Variants in TTC17 observed in about 807,000 individuals in gnomAD.
TTC17 encodes the protein tetratricopeptide repeat domain 17, also known as tetratricopeptide repeat protein 17.
In TTC17, 58 loss-of-function variants were observed where a neutral mutation model predicts 143.8. The ratio of observed to expected loss-of-function variants is 0.40; its 90% CI spans 0.33 to 0.50. TTC17 has a LOEUF of 0.50. TTC17 is among the 20% of genes least tolerant of loss of function. The probability of loss-of-function intolerance (pLI) is 0.49; values close to 1 mark genes in which losing one functional copy is unlikely to be tolerated. For missense variants in TTC17, 1,273 were observed against 1,392.5 expected (o/e 0.91, Z 1.37); for synonymous variants, 501 against 497.8 (o/e 1.01, Z -0.09).
At chr11:43,383,249 T>C (rs867036259) in intron 2 of TTC17, among the ~76,000 whole-genome samples, 1 of 150,752 alleles carries the variant, frequency 6.6e-6, no homozygotes, top group African/African-American at 2.4e-5. Context: ...AGAGAGAGAG[T>C]GGTATCCAGT....
chr11:43,450,402 C>T (rs937172436), intron 20 of TTC17, among the ~76,000 whole-genome samples, 161 bp downstream of exon 20: 1 of 152,342 alleles, frequency 6.6e-6, no homozygotes, highest in African/African-American at 2.4e-5. Flanking sequence ...TGATTTCTTT[C>T]AGGCCCTGGG....
At chr11:43,412,191 A>G (rs1001673676) in intron 15 of TTC17, among the ~76,000 whole-genome samples, 1 of 152,184 alleles carries the variant, frequency 6.6e-6, no homozygotes, top group African/African-American at 2.4e-5. Context: ...AATAGCATCA[A>G]GAAAACATCA....
At chr11:43,479,675 T>C (rs974922932) in intron 21 of TTC17, among the ~76,000 whole-genome samples, 1 of 152,160 alleles carries the variant, frequency 6.6e-6, no homozygotes, top group Non-Finnish European at 1.5e-5. Context: ...TAACACTAGG[T>C]ATTTCAGAAA....
intron 18 of TTC17, 49 bp downstream of exon 18, chr11:43,444,258 T>C: frequency 6.5e-7 from 1 of 1,540,028 alleles, no homozygotes; most frequent in Non-Finnish European, 8.7e-7. Context: ...GATGTCACTA[T>C]CTCATTTCTC....
intron 13 of TTC17, among the ~76,000 whole-genome samples, chr11:43,406,446 T>C (rs1590368457): frequency 6.6e-6 from 1 of 152,170 alleles, no homozygotes; most frequent in African/African-American, 2.4e-5. Flanking sequence ...CCTAAATTCC[T>C]ATTAATTATA....
At chr11:43,441,962 G>T (rs970177707) in intron 16 of TTC17, among the ~76,000 whole-genome samples, 3 of 152,140 alleles carry the variant, frequency 2.0e-5, no homozygotes, top group African/African-American at 7.2e-5. Context: ...TCTAGGAAAT[G>T]CGTCCTTGGG....
chr11:43,490,274 C>T lies in TTC17; in HGVS notation c.3066C>T (p.Ala1022=). The T allele has an allele frequency of 6.2e-7, 1 of 1,612,816 alleles. No individual in the cohort carries two copies. Among genetic ancestry groups the T allele is most frequent in the Non-Finnish European group, 8.5e-7 (1 of 1,179,212 alleles). ...QTSWVLSSMA[A]LYWRVKGQGK... is the part of the protein sequence containing the mutation. ...CCTGGGTCCTCTCCAGCATGGCAGC[C>T]CTCTACTGGAGGGTGAAAGGCCAAG... Residue 1022 remains alanine (A), a synonymous_variant, in exon 22 of 24, where the codon GCC becomes GCT. Transcript: ENST00000039989.
chr11:43,398,300 A>G (rs376067465), intron 8 of TTC17, among the ~76,000 whole-genome samples, 187 bp downstream of exon 8: 15 of 152,154 alleles, frequency 9.9e-5, no homozygotes, highest in African/African-American at 3.1e-4. Context: ...GTAGAGGAAT[A>G]TCTTTAATTG....
intron 1 of TTC17, among the ~76,000 whole-genome samples, chr11:43,363,591 C>T (rs909520838): frequency 7.9e-5 from 12 of 152,302 alleles, no homozygotes; most frequent in Non-Finnish European, 1.5e-4. Context: ...TTTTAATATT[C>T]GTATTCTTTG....
At chr11:43,459,085 C>A (rs928405046) in intron 21 of TTC17, among the ~76,000 whole-genome samples, 7 of 152,166 alleles carry the variant, frequency 4.6e-5, no homozygotes, top group Non-Finnish European at 8.8e-5. Context: ...TCCTCAGATA[C>A]AGCTTCTCTT....
chr11:43,363,890 C>T lies in TTC17; in HGVS notation c.159+4777C>T, dbSNP rs537399330. The stretch of plus-strand genomic sequence containing the variant: ...GAAAATAATGAAGTAAAGGTATCTT[C>T]TTTTCCAGTTTGCTTTATCTCCATA... On this transcript the variant is annotated intron_variant, in intron 1 of 23. Coordinates refer to ENST00000039989, the MANE Select transcript of TTC17 (RefSeq NM_018259.6). Among the ~76,000 whole-genome samples, 72 of 152,124 alleles carry T rather than the reference C, an allele frequency of 4.7e-4. 2 individuals are homozygous for T. The South Asian group carries it at 6.4e-3, about 14-fold the overall frequency.
Position 43,405,634 on chromosome 11 carries a change from G to A in TTC17, c.1595+5G>A. 1 of 1,613,794 alleles carries A rather than the reference G, an allele frequency of 6.2e-7. No individual in the cohort carries two copies. Among genetic ancestry groups the A allele is most frequent in the Non-Finnish European group, 8.5e-7 (1 of 1,179,724 alleles). ...TCCGGAAAACAAAGGACTCAGGCAA[G>A]TGGTGATGGATTTGGCAAAGCACCT... is the stretch of plus-strand genomic sequence containing the variant. On this transcript the variant is annotated splice_donor_5th_base_variant and intron_variant, in intron 12 of 23. Coordinates refer to ENST00000039989, the MANE Select transcript of TTC17 (RefSeq NM_018259.6).
At chr11:43,480,335 A>G (rs530277024) in intron 21 of TTC17, among the ~76,000 whole-genome samples, 2 of 152,362 alleles carry the variant, frequency 1.3e-5, no homozygotes, top group South Asian at 2.1e-4. Flanking sequence ...CCTACAAGGA[A>G]TGATGGCTAA....
At chr11:43,413,431 A>G (rs1283024407) in intron 15 of TTC17, among the ~76,000 whole-genome samples, 1 of 152,202 alleles carries the variant, frequency 6.6e-6, no homozygotes, top group Non-Finnish European at 1.5e-5. Flanking sequence ...TGCAGTAGGC[A>G]AAGATGTCAA....
rs1159298319 is a variant in TTC17, at chr11:43,451,213, C to T, written c.2978C>T (p.Pro993Leu). 2 of 1,613,874 alleles carry T rather than the reference C, an allele frequency of 1.2e-6. No homozygotes were observed. The highest frequency in any genetic ancestry group is 2.2e-5 in the South Asian group (2 of 91,074). ...CAAAATCTCGGCAAAGACCAATATC[C>T]ACAACAGTCGCTTGAACAGATTGGC... ...VLQNLGKDQY[P>L]QQSLEQIGTR... Residue 993 changes from proline (P) to leucine (L), a missense_variant, in exon 21 of 24, where the codon CCA becomes CTA. Pro to Leu is a moderately conservative substitution (Grantham distance 98). Coordinates refer to ENST00000039989, the MANE Select transcript of TTC17 (RefSeq NM_018259.6).
chr11:43,417,283 A>G (rs1026038546), intron 16 of TTC17, among the ~76,000 whole-genome samples: 5 of 152,128 alleles, frequency 3.3e-5, no homozygotes, highest in Non-Finnish European at 7.4e-5. Context: ...TTGCTAAATA[A>G]TTGATTAAAA....
chr11:43,441,742 C>A (rs1338139681), intron 16 of TTC17, among the ~76,000 whole-genome samples: 1 of 152,166 alleles, frequency 6.6e-6, no homozygotes, highest in Non-Finnish European at 1.5e-5. Flanking sequence ...GCAACAGAAG[C>A]CTTCAGCAAG....
At position 43,482,446 on chromosome 11, in the gene TTC17, T is replaced by G. The variant is rs553075794; in HGVS notation, c.3031-7793T>G. On this transcript the variant is annotated intron_variant, in intron 21 of 23. Coordinates refer to ENST00000039989, the MANE Select transcript of TTC17 (RefSeq NM_018259.6). ...CTTCTAATTTTTTTGACCCATGAGTTATTTAGGAGTATGATATTTAGTTTC... is the reference window on the plus strand; with the variant it reads ...CTTCTAATTTTTTTGACCCATGAGTGATTTAGGAGTATGATATTTAGTTTC... 8.5e-5 allele frequency among the ~76,000 whole-genome samples: 13 copies of G among 152,172 alleles called. No individual in the cohort carries two copies. In the South Asian group the frequency reaches 2.7e-3, roughly 32 times the overall value.
At chr11:43,470,019 T>G (rs1365364862) in intron 21 of TTC17, among the ~76,000 whole-genome samples, 5 of 151,964 alleles carry the variant, frequency 3.3e-5, no homozygotes, top group African/African-American at 1.2e-4. Context: ...GACAGAGAAA[T>G]GAGGATGGCT....
Sources: gnomAD v4.1 joint callset for allele counts (sites outside exome capture counted in the v4.1 genomes callset) on GRCh38, gnomAD v4.1.1 for gene constraint, MANE v1.5 for transcripts, NCBI Gene and HGNC (gene_info 2026-07-23, HGNC 2026-07-21) for gene names.